The following POLR2F variants were observed in gnomAD, a reference collection of about 807,000 sequenced individuals.
The protein encoded by POLR2F is RNA polymerase II, I and III subunit F, also known as DNA-directed RNA polymerases I, II, and III subunit RPABC2.
A neutral mutation model predicts 22.7 loss-of-function variants in POLR2F; 12 were observed. The ratio of observed to expected loss-of-function variants is 0.53; its 90% confidence interval spans 0.34 to 0.86. The LOEUF (loss-of-function observed/expected upper bound fraction) is 0.86. Among genes scored for constraint, POLR2F ranks in the 40% least tolerant of loss-of-function variants. The pLI is 0.02. For synonymous variants in POLR2F, 57 were observed against 66.0 expected, an observed-to-expected ratio of 0.86 and a Z score of 0.66; for missense variants, 126 against 171.5, an observed-to-expected ratio of 0.73 and a Z score of 1.48.
At position 37,997,416 on chromosome 22, in the gene POLR2F, C is replaced by A. The variant is rs4821727; in HGVS notation, c.120+11104C>A. Among the ~76,000 whole-genome samples, 88,680 of 151,502 alleles carry A rather than the reference C, an allele frequency of 0.59. 26,234 individuals are homozygous for A. The highest frequency in any genetic ancestry group is 0.75 in the East Asian group (3,825 of 5,130). ...GTCCTGGCCCTCCTGCCCTGGCTCC[C>A]TGTCTCTCTCCAGCCCTGTCTCTGT... On this transcript the variant is annotated intron_variant, in intron 1 of 2. Coordinates refer to the POLR2F transcript ENST00000333418. This position sits in a 1 kb window ranked among gnomAD's most constrained non-coding sequence, Gnocchi z 4.4.
intron 1 of POLR2F, among the ~76,000 whole-genome samples, chr22:38,019,200 G>A (rs879615996): frequency 1.3e-5 from 2 of 152,096 alleles, no homozygotes; most frequent in Admixed American, 1.3e-4. Flanking sequence ...TTGGGGCACA[G>A]TGTGGCTGTG....
At chr22:38,032,433 T>G (rs2085074908) in intron 5 of POLR2F, 1 of 152,316 alleles carries the variant, frequency 6.6e-6, no homozygotes, top group African/African-American at 2.4e-5. Flanking sequence ...CAGGGGAAAC[T>G]GCTTCACACC....
intron 1 of POLR2F, among the ~76,000 whole-genome samples, chr22:37,992,009 G>C (rs981372708): frequency 6.6e-6 from 1 of 152,186 alleles, no homozygotes; most frequent in African/African-American, 2.4e-5. Context: ...GCGCTCCTGA[G>C]TTAAGACAGT....
chr22:38,026,801 C>T (rs2085015125), downstream of POLR2F: 1 of 157,094 alleles, frequency 6.4e-6, no homozygotes, highest in African/African-American at 2.4e-5. Context: ...TCCCCCCATC[C>T]CTGCGAGCGC....
Position 37,954,893 on chromosome 22 carries a change from G to T in POLR2F, c.20+1086G>T, listed in dbSNP as rs75675716. Among the ~76,000 whole-genome samples, 632 of 152,282 alleles carry T rather than the reference G, an allele frequency of 4.2e-3. 6 individuals carry two copies. Among genetic ancestry groups the T allele is most frequent in the Admixed American group, 7.4e-3 (113 of 15,282 alleles). On this transcript the variant is annotated intron_variant, in intron 1 of 4. Transcript: ENST00000442738. ...CTTGGGGGAAAAGAGAAGCCGGGGA[G>T]GTGGGGGAACACCAAGAGGGTGAGG...
At chr22:38,006,325 G>A (rs1293602878) in intron 1 of POLR2F, among the ~76,000 whole-genome samples, 2 of 152,224 alleles carry the variant, frequency 1.3e-5, no homozygotes, top group Admixed American at 1.3e-4. Context: ...GCAGTGAGCA[G>A]GCATGTGGGT....
chr22:37,998,707 C>T (rs892283635), intron 1 of POLR2F, among the ~76,000 whole-genome samples: 31 of 152,044 alleles, frequency 2.0e-4, no homozygotes, highest in African/African-American at 6.5e-4. Flanking sequence ...GCTTTGGCCA[C>T]GGCCATTCCT....
intron 1 of POLR2F, among the ~76,000 whole-genome samples, chr22:38,006,230 G>T (rs919887568): frequency 2.0e-5 from 3 of 152,096 alleles, no homozygotes; most frequent in Non-Finnish European, 4.4e-5. Context: ...AAAAAAAATG[G>T]TTTGCTCTTC....
At chr22:37,986,134 CAT>C (rs1932566951), upstream of POLR2F, 1 of 1,513,496 alleles carries the variant, frequency 6.6e-7, no homozygotes, top group Non-Finnish European at 8.8e-7. This position sits in a 1 kb window ranked among gnomAD's most constrained non-coding sequence, Gnocchi z 4.7. Flanking sequence ...CACACACACA[CAT>C]AAAAAGCTTT....
At position 37,959,481 on chromosome 22, in the gene POLR2F, G is replaced by C. The variant is rs1290845786; in HGVS notation, c.221+5G>C. 1 of 1,613,468 alleles carries C rather than the reference G, an allele frequency of 6.2e-7. No individual in the cohort carries two copies. Among genetic ancestry groups the C allele is most frequent in the South Asian group, 1.1e-5 (1 of 91,046 alleles). Reference sequence around the variant, plus strand: ...CACCCGAGCGCTCCAGATTGCGTGAGTGATTGCCCCTTCACTGTCTTCTCC... The same window carrying C: ...CACCCGAGCGCTCCAGATTGCGTGACTGATTGCCCCTTCACTGTCTTCTCC... On this transcript the variant is annotated splice_donor_5th_base_variant and intron_variant, in intron 3 of 4. Transcript: ENST00000442738.
chr22:38,036,880 G>A (rs2085121394), intron 5 of POLR2F, among the ~76,000 whole-genome samples: 1 of 152,072 alleles, frequency 6.6e-6, no homozygotes, highest in Admixed American at 6.6e-5. Flanking sequence ...CTTTTGTGCT[G>A]TTGCCACCGG....
At chr22:38,005,981 G>A (rs1255812680) in intron 1 of POLR2F, among the ~76,000 whole-genome samples, 1 of 152,210 alleles carries the variant, frequency 6.6e-6, no homozygotes, top group African/African-American at 2.4e-5. Flanking sequence ...CCAACATTTT[G>A]GGAGGCCGAG....
exon 6 of POLR2F, chr22:38,041,086 G>C (rs907319984): frequency 8.1e-6 from 13 of 1,612,962 alleles, no homozygotes; most frequent in Middle Eastern, 1.6e-4. Context: ...GGCTCAGAGA[G>C]GAGTGACTCG....
downstream of POLR2F, chr22:38,041,283 C>T (rs1245282941): frequency 4.5e-6 from 4 of 889,852 alleles, no homozygotes; most frequent in Admixed American, 2.4e-5. Flanking sequence ...CCAGGACACC[C>T]CTCAGTTTCT....
At chr22:38,038,808 C>G (rs1038928016) in intron 5 of POLR2F, among the ~76,000 whole-genome samples, 1 of 151,634 alleles carries the variant, frequency 6.6e-6, no homozygotes, top group Non-Finnish European at 1.5e-5. Context: ...GCGCCCGCAC[C>G]CCGGGGCTGC....
rs1932590994 is a variant in POLR2F at position 37,986,693 on chromosome 22, G to A, written c.120+381G>A. 1.9e-6 allele frequency: 1 copy of A among 526,296 alleles called. No homozygotes were observed. 32.6% of individuals were successfully genotyped at this position (526,296 alleles called of 1,614,324 possible). On this transcript the variant is annotated intron_variant, in intron 1 of 2. Coordinates refer to the POLR2F transcript ENST00000333418. This position sits in a 1 kb window ranked among gnomAD's most constrained non-coding sequence, Gnocchi z 4.7. The stretch of plus-strand genomic sequence containing the variant: ...TGCTGAGCAGTGTTGGGTGAGGCAG[G>A]TGGGCCTGCAGGGCGGGTGGGAAGG...
At chr22:38,019,453 G>T (rs1193862012) in intron 1 of POLR2F, among the ~76,000 whole-genome samples, 2 of 152,208 alleles carry the variant, frequency 1.3e-5, no homozygotes, top group Non-Finnish European at 2.9e-5. Flanking sequence ...CTCCTTGGGG[G>T]TGGTTGGGGA....
intron 5 of POLR2F, among the ~76,000 whole-genome samples, chr22:38,039,130 G>A (rs1234397526): frequency 6.6e-6 from 1 of 152,230 alleles, no homozygotes; most frequent in African/African-American, 2.4e-5. Flanking sequence ...AGTGGACTGC[G>A]CTTGAGGGGG....
In POLR2F at chr22:38,038,440, T is replaced by TGGCGGCCATGATGGGCTCTGGACCC. The variant is rs1454447532; in HGVS notation, c.453-2627_453-2603dup. ...GTCACAGGGCGGCTGGGGTTTGACCTGGCGGCCATGATGGGCTCTGGACCC... is the reference window on the plus strand; with the variant it reads ...GTCACAGGGCGGCTGGGGTTTGACCTGGCGGCCATGATGGGCTCTGGACCCGGCGGCCATGATGGGCTCTGGACCC... On this transcript the variant is annotated intron_variant, in intron 5 of 5. Coordinates refer to the POLR2F transcript ENST00000407936. Among the ~76,000 whole-genome samples the TGGCGGCCATGATGGGCTCTGGACCC allele has an allele frequency of 3.9e-5, 6 of 152,016 alleles. No individual in the cohort carries two copies. In the East Asian group the frequency reaches 1.2e-3, roughly 30 times the overall value.
Sources: allele counts gnomAD v4.1 joint callset (sites outside exome capture counted in the v4.1 genomes callset), GRCh38; gene constraint gnomAD v4.1.1; non-coding constraint Gnocchi (gnomAD v3.1); transcripts MANE v1.5; gene names NCBI Gene and HGNC (gene_info 2026-07-23, HGNC 2026-07-21).